Variants in CPEB1 observed in about 807,000 individuals in gnomAD.
The protein encoded by CPEB1 is cytoplasmic polyadenylation element binding protein 1.
Under a neutral mutation model 65.8 loss-of-function variants are expected in CPEB1, and 7 were observed. The ratio of observed to expected loss-of-function variants is 0.11; its 90% CI spans 0.06 to 0.20. The LOEUF is 0.20. Among genes scored for constraint, CPEB1 ranks in the 10% least tolerant of loss-of-function variants. CPEB1 has a pLI of 1.00. For synonymous variants in CPEB1, 262 were observed against 260.0 expected, an observed-to-expected ratio of 1.01 and a Z score of -0.08; for missense variants, 551 against 712.2, an observed-to-expected ratio of 0.77 and a Z score of 2.58.
At chr15:82,601,845 T>C (rs1446856956) in intron 3 of CPEB1, among the ~76,000 whole-genome samples, 1 of 152,068 alleles carries the variant, frequency 6.6e-6, no homozygotes, top group Non-Finnish European at 1.5e-5. Flanking sequence ...AATAAAAGCA[T>C]ACAAAAATCA....
intron 1 of CPEB1, among the ~76,000 whole-genome samples, chr15:82,646,423 C>T (rs587609608): frequency 7.2e-5 from 11 of 152,158 alleles, no homozygotes; most frequent in Admixed American, 6.5e-4. Flanking sequence ...CAGAGAAATG[C>T]GGCGTCAGTC....
At chr15:82,631,294 C>T (rs1308181971) in intron 1 of CPEB1, among the ~76,000 whole-genome samples, 3 of 152,150 alleles carry the variant, frequency 2.0e-5, no homozygotes, top group African/African-American at 7.2e-5. Context: ...CTCCCCTTCT[C>T]TCACATACAT....
chr15:82,590,781 T>C (rs1333622606), intron 3 of CPEB1, among the ~76,000 whole-genome samples: 3 of 152,188 alleles, frequency 2.0e-5, no homozygotes, highest in African/African-American at 7.2e-5. Context: ...GATTTTGTGA[T>C]CCTGTGTTAG....
intron 1 of CPEB1, among the ~76,000 whole-genome samples, chr15:82,645,898 A>G (rs2047473230): frequency 6.6e-6 from 1 of 151,788 alleles, no homozygotes; most frequent in Admixed American, 6.6e-5. Context: ...TAAATATTAA[A>G]AAATAAAAAG....
At chr15:82,632,032 A>AGTGCAAT (rs2046295694) in intron 1 of CPEB1, among the ~76,000 whole-genome samples, 1 of 125,164 alleles carries the variant, frequency 8.0e-6, no homozygotes, top group East Asian at 2.4e-4. Context: ...CCCAGGCTGG[A>AGTGCAAT]GTGCAATGGT....
intron 3 of CPEB1, among the ~76,000 whole-genome samples, chr15:82,609,739 C>G (rs771903014): frequency 6.6e-6 from 1 of 151,378 alleles, no homozygotes; most frequent in Non-Finnish European, 1.5e-5. Context: ...TACAATACTA[C>G]CAACCTTACA....
chr15:82,603,787 C>G (rs961895317), intron 3 of CPEB1, among the ~76,000 whole-genome samples: 1 of 152,074 alleles, frequency 6.6e-6, no homozygotes, highest in Admixed American at 6.6e-5. Context: ...TTAAAAAATG[C>G]GAAGTTTACA....
chr15:82,598,346 T>C (rs1435555184), intron 3 of CPEB1, among the ~76,000 whole-genome samples: 1 of 151,640 alleles, frequency 6.6e-6, no homozygotes, highest in Non-Finnish European at 1.5e-5. Context: ...ATACAAAAAT[T>C]ACCCGGGCAT....
chr15:82,623,430 C>T (rs2045489540), intron 3 of CPEB1, among the ~76,000 whole-genome samples: 1 of 152,204 alleles, frequency 6.6e-6, no homozygotes, highest in Admixed American at 6.5e-5. Flanking sequence ...GTAATCCCAG[C>T]AGTTTGGGAG....
rs761026665 is a variant in CPEB1 at position 82,547,190 on chromosome 15, C to T, written c.1528G>A (p.Val510Ile). The T allele has an allele frequency of 1.2e-6, 2 of 1,613,636 alleles. No homozygotes were observed. The highest frequency in any genetic ancestry group is 1.7e-5 in the Admixed American group (1 of 59,988). The change falls in exon 11 of 13, where the codon GTC (valine) becomes ATC (isoleucine). Residue 510 changes from valine to isoleucine, a missense_variant. Physicochemically the swap from Val to Ile is conservative, Grantham distance 29 (BLOSUM62 3). Around this residue, in one of 6 missense-constraint regions of CPEB1, gnomAD observed 98 missense variants for 157.6 expected, o/e 0.62. Transcript: ENST00000684509. ...TTGATCTCCACAAAAGCAGCGCTGA[C>T]TGCTTTCAGGTAACTCCGTTGGTTA... is the stretch of plus-strand genomic sequence containing the variant. ...FNNQRSYLKAVSAAFVEIKTT... is the reference protein window; with the variant it reads ...FNNQRSYLKAISAAFVEIKTT...
chr15:82,636,409 G>A (rs923468233), intron 1 of CPEB1, among the ~76,000 whole-genome samples: 3 of 152,098 alleles, frequency 2.0e-5, no homozygotes, highest in Non-Finnish European at 2.9e-5. Flanking sequence ...CTCAAGTCAG[G>A]AATCACTTTC....
intron 4 of CPEB1, among the ~76,000 whole-genome samples, chr15:82,563,245 T>C (rs2038532248): frequency 6.6e-6 from 1 of 152,162 alleles, no homozygotes; most frequent in Non-Finnish European, 1.5e-5. Context: ...ACTGGGTCAC[T>C]TGACAAAACT....
At chr15:82,583,739 G>T (rs992902675) in intron 3 of CPEB1, among the ~76,000 whole-genome samples, 1 of 152,252 alleles carries the variant, frequency 6.6e-6, no homozygotes, top group East Asian at 1.9e-4. Context: ...AATGCCAGAG[G>T]TTAACCTTTT....
intron 12 of CPEB1, 106 bp downstream of exon 12, chr15:82,546,335 T>G (rs2035205626): frequency 2.4e-6 from 2 of 840,306 alleles, no homozygotes; most frequent in Non-Finnish European, 4.0e-6. Context: ...GTCCTCCTGA[T>G]CCGCCCACCT....
chr15:82,630,002 G>C, intron 1 of CPEB1: 1 of 985,440 alleles, frequency 1.0e-6, no homozygotes. Context: ...GTGCCATTGA[G>C]AACTGTTAAA....
At position 82,552,466 on chromosome 15, in the gene CPEB1, T is replaced by G; in HGVS notation, c.1281+14A>C. On this transcript the variant is annotated intron_variant, in intron 9 of 12. Coordinates refer to ENST00000684509, the MANE Select transcript of CPEB1 (RefSeq NM_001365242.1). Reference sequence around the variant, plus strand: ...CAAGACCCTCGATCCAGAAAGGACATCACGCTAACTCACCTCCTTGCAGCG... The same window carrying G: ...CAAGACCCTCGATCCAGAAAGGACAGCACGCTAACTCACCTCCTTGCAGCG... 6.5e-7 allele frequency: 1 copy of G among 1,542,678 alleles called. No homozygotes were observed. The highest frequency in any genetic ancestry group is 8.7e-7 in the Non-Finnish European group (1 of 1,150,126).
chr15:82,571,986 G>T (rs1027850536), intron 3 of CPEB1: 2 of 389,078 alleles, frequency 5.1e-6, no homozygotes, highest in South Asian at 2.1e-4. Context: ...AGCGCCCTCC[G>T]GTCTCCAGCA....
chr15:82,597,999 G>C (rs919807204), intron 3 of CPEB1, among the ~76,000 whole-genome samples: 23 of 152,210 alleles, frequency 1.5e-4, no homozygotes, highest in African/African-American at 4.8e-4. Context: ...GAAGCAGACA[G>C]GCTGGTTCTA....
intron 3 of CPEB1, among the ~76,000 whole-genome samples, chr15:82,576,677 G>C (rs1009118463): frequency 6.6e-5 from 10 of 152,142 alleles, no homozygotes; most frequent in African/African-American, 2.4e-4. Flanking sequence ...AATAAAGTCA[G>C]ACTTTTTCTG....
Sources: gnomAD v4.1 joint callset for allele counts (sites outside exome capture counted in the v4.1 genomes callset) on GRCh38, gnomAD v4.1.1 for gene constraint, gnomAD v4.1.1 regional missense constraint, MANE v1.5 for transcripts, NCBI Gene and HGNC (gene_info 2026-07-23, HGNC 2026-07-21) for gene names.